RAPH1: variants seen among roughly 807,000 people sequenced by gnomAD.
The protein encoded by RAPH1 is Ras association (RalGDS/AF-6) and pleckstrin homology domains 1, also known as ras-associated and pleckstrin homology domains-containing protein 1.
In RAPH1, 18 loss-of-function variants were observed where a neutral mutation model predicts 88.1. The ratio of observed to expected loss-of-function variants is 0.20; its 90% CI spans 0.14 to 0.30. RAPH1 has a LOEUF of 0.30. Among genes scored for constraint, RAPH1 ranks in the 10% least tolerant of loss-of-function variants. The pLI is 1.00. For missense variants in RAPH1, 1,448 were observed against 1,543.2 expected, an observed-to-expected ratio of 0.94 and a Z score of 1.03; for synonymous variants, 587 against 559.0, an observed-to-expected ratio of 1.05 and a Z score of -0.71.
intron 4 of RAPH1, among the ~76,000 whole-genome samples, chr2:203,466,819 A>C (rs1401159809): frequency 6.6e-6 from 1 of 152,240 alleles, no homozygotes; most frequent in East Asian, 1.9e-4. Flanking sequence ...GTAAAGACAA[A>C]AACTAGGTGA....
intron 1 of RAPH1, among the ~76,000 whole-genome samples, chr2:203,524,951 T>A (rs892526546): frequency 1.3e-5 from 2 of 152,244 alleles, no homozygotes; most frequent in African/African-American, 4.8e-5. Context: ...TCACTTCTGA[T>A]ATATGCAATT....
At chr2:203,447,922 TA>T (rs1191615410) in intron 12 of RAPH1, 36 bp downstream of exon 12, 6 of 1,611,466 alleles carry the variant, frequency 3.7e-6, no homozygotes, top group Non-Finnish European at 5.1e-6. Flanking sequence ...ACCTTCATAT[TA>T]ATCGCAAAAT....
intron 4 of RAPH1, among the ~76,000 whole-genome samples, chr2:203,464,725 A>G (rs772569444): frequency 1.3e-5 from 2 of 152,232 alleles, no homozygotes; most frequent in Middle Eastern, 3.2e-3. Flanking sequence ...AAACTGGGAG[A>G]AAAAATATTT....
chr2:203,527,748 C>T (rs1690187705), intron 1 of RAPH1, among the ~76,000 whole-genome samples: 1 of 129,002 alleles, frequency 7.8e-6, no homozygotes, highest in Non-Finnish European at 1.6e-5. Context: ...TGTGGTGAGC[C>T]AAGATTGAGC....
chr2:203,442,443 G>T (rs2247094), intron 13 of RAPH1: 16,454 of 167,102 alleles, frequency 0.098, 1,693 homozygotes, highest in African/African-American at 0.27. Flanking sequence ...GAGAATGCAT[G>T]GGTTAGTGAA....
At chr2:203,529,003 ATATTTTT>A (rs1228143588) in intron 1 of RAPH1, among the ~76,000 whole-genome samples, 43 of 58,730 alleles carry the variant, frequency 7.3e-4, no homozygotes, top group African/African-American at 2.9e-3. Flanking sequence ...ATATATATAT[ATATTTTT>A]TTTTTTTTTT....
In RAPH1 at chr2:203,503,419, A is replaced by G. The variant is rs116082041; in HGVS notation, c.1-8066T>C. On this transcript the variant is annotated intron_variant, in intron 1 of 13. Transcript: ENST00000319170. The stretch of plus-strand genomic sequence containing the variant: ...TGGCAAGACAAAATGTGAAGAAGCA[A>G]AAGTGGAAACCCATGATAAACCCAT... Among the ~76,000 whole-genome samples, 865 of 152,284 alleles carry G rather than the reference A, an allele frequency of 5.7e-3. 11 individuals carry two copies. The highest frequency in any genetic ancestry group is 0.02 in the African/African-American group (812 of 41,558).
In RAPH1 at chr2:203,535,258, GTGACTGAC is replaced by G. The variant is rs373101454; in HGVS notation, c.-156_-149del. 6,502 of 146,612 alleles carry G rather than the reference GTGACTGAC, an allele frequency of 0.044. 182 individuals carry two copies. The highest frequency in any genetic ancestry group is 0.067 in the Non-Finnish European group (4,395 of 65,886). 9.1% of individuals were successfully genotyped at this position (146,612 alleles called of 1,614,324 possible). On this transcript the variant is annotated 5_prime_UTR_variant, in exon 1 of 14. Coordinates refer to ENST00000319170, the MANE Select transcript of RAPH1 (RefSeq NM_213589.3). The stretch of plus-strand genomic sequence containing the variant: ...CAGCAGCTCCCGCGCCGCGCGCTCA[GTGACTGAC>G]TGACTGACTGACTGACTGACTGACT...
At chr2:203,443,601 G>GA (rs1258896229) in intron 13 of RAPH1, 2 of 149,322 alleles carry the variant, frequency 1.3e-5, no homozygotes, top group Non-Finnish European at 3.0e-5. Flanking sequence ...AGTATAATTT[G>GA]AAAAAATTCA....
At position 203,459,887 on chromosome 2, in the gene RAPH1, T is replaced by A. The variant is rs1553622115; in HGVS notation, c.1092+20A>T. On this transcript the variant is annotated intron_variant, in intron 7 of 13. Transcript: ENST00000319170. ...AGACATATTTACAAATCCTGACCTC[T>A]GTAAGTTGTTTGGTCTTACCTGTGG... is the stretch of plus-strand genomic sequence containing the variant. The A allele has an allele frequency of 2.5e-6, 4 of 1,607,492 alleles. No individual in the cohort carries two copies. Among genetic ancestry groups the A allele is most frequent in the South Asian group, 1.1e-5 (1 of 89,308 alleles).
At position 203,441,174 on chromosome 2, in the gene RAPH1, C is replaced by T; in HGVS notation, c.2016G>A (p.Arg672=). Residue 672 remains arginine, a synonymous_variant, in exon 14 of 14, where the codon CGG becomes CGA. Coordinates refer to ENST00000319170, the MANE Select transcript of RAPH1 (RefSeq NM_213589.3). ...PMFVKYSTIT[R]LQNASQHSGA... ...CTGAATGCTGAGACGCATTCTGTAGCCGTGTTATTGTGCTGTACTTGACGA... is the reference window on the plus strand; with the variant it reads ...CTGAATGCTGAGACGCATTCTGTAGTCGTGTTATTGTGCTGTACTTGACGA... 2 of 1,611,176 alleles carry T rather than the reference C, an allele frequency of 1.2e-6. No homozygotes were observed. The highest frequency in any genetic ancestry group is 1.7e-6 in the Non-Finnish European group (2 of 1,179,414).
Position 203,495,421 on chromosome 2 carries a change from T to C in RAPH1, c.1-68A>G, listed in dbSNP as rs1157049552. 3 of 1,472,202 alleles carry C rather than the reference T, an allele frequency of 2.0e-6. No homozygotes were observed. In the African/African-American group the frequency reaches 4.2e-5, roughly 20 times the overall value. The allele number at this position is 1,472,202 out of a possible 1,614,324, so 91.2% of individuals were successfully genotyped here. ...GTTTAACTTGAAAAATTATGCCATA[T>C]ATGCTCTGATATATATTATATGCCT... On this transcript the variant is annotated intron_variant, in intron 1 of 13. Transcript: ENST00000319170.
chr2:203,497,680 CT>C (rs1230583630), intron 1 of RAPH1, among the ~76,000 whole-genome samples: 7 of 152,116 alleles, frequency 4.6e-5, no homozygotes, highest in Non-Finnish European at 7.4e-5. Flanking sequence ...ATTTCTTAAT[CT>C]TTTATCACTC....
At chr2:203,507,988 G>A (rs909211199) in intron 1 of RAPH1, among the ~76,000 whole-genome samples, 11 of 151,482 alleles carry the variant, frequency 7.3e-5, no homozygotes, top group African/African-American at 2.4e-4. Context: ...TGAGGCGGGC[G>A]GATCACCAGG....
intron 10 of RAPH1, among the ~76,000 whole-genome samples, chr2:203,450,533 G>A (rs1411978740): frequency 6.6e-6 from 1 of 152,228 alleles, no homozygotes; most frequent in Non-Finnish European, 1.5e-5. Context: ...ATAAAAGGAG[G>A]AAGGGGGATT....
At chr2:203,484,527 G>A (rs1687877487) in intron 4 of RAPH1, among the ~76,000 whole-genome samples, 1 of 152,188 alleles carries the variant, frequency 6.6e-6, no homozygotes, top group South Asian at 2.1e-4. Flanking sequence ...GTGAAGCATT[G>A]TTTTACAGGG....
chr2:203,449,690 A>C (rs1275521572), intron 10 of RAPH1, among the ~76,000 whole-genome samples: 2 of 152,206 alleles, frequency 1.3e-5, no homozygotes, highest in Admixed American at 6.5e-5. Flanking sequence ...ACTAATGGCT[A>C]TAATTTGCCT....
At chr2:203,444,427 T>TC (rs1553619198) in intron 13 of RAPH1, 1 of 54,616 alleles carries the variant, frequency 1.8e-5, no homozygotes, top group African/African-American at 9.9e-5. Flanking sequence ...TGACACTCTG[T>TC]CAAAAAAAAA....
At chr2:203,474,601 T>C (rs2098535765) in intron 4 of RAPH1, among the ~76,000 whole-genome samples, 1 of 152,202 alleles carries the variant, frequency 6.6e-6, no homozygotes, top group South Asian at 2.1e-4. Context: ...TGGAAAATAA[T>C]TTCACCAATG....
Sources: allele counts gnomAD v4.1 joint callset (sites outside exome capture counted in the v4.1 genomes callset), GRCh38; gene constraint gnomAD v4.1.1; transcripts MANE v1.5; gene names NCBI Gene and HGNC (gene_info 2026-07-23, HGNC 2026-07-21).